LITAF: variants seen among roughly 807,000 people sequenced by gnomAD.
The protein encoded by LITAF is lipopolysaccharide induced TNF factor.
A neutral mutation model predicts 14.5 loss-of-function variants in LITAF; 9 were observed. The observed-to-expected ratio is 0.62, with a 90% confidence interval of 0.37 to 1.08. The LOEUF (loss-of-function observed/expected upper bound fraction) is 1.08. Among genes scored for constraint, LITAF ranks in the 50% least tolerant of loss-of-function variants. The pLI, the probability that LITAF is intolerant of heterozygous loss-of-function variation, is 0.01. For missense variants in LITAF, 206 were observed against 213.4 expected, an observed-to-expected ratio of 0.97 and a Z score of 0.22; for synonymous variants, 98 against 88.2, an observed-to-expected ratio of 1.11 and a Z score of -0.62.
At chr16:11,635,511 C>A (rs900229296) in intron 2 of LITAF, among the ~76,000 whole-genome samples, 1 of 152,178 alleles carries the variant, frequency 6.6e-6, no homozygotes, top group African/African-American at 2.4e-5. Context: ...GCTCCTTTGT[C>A]ACCTCTCGGG....
upstream of LITAF, among the ~76,000 whole-genome samples, chr16:11,591,306 T>C (rs1479111224): frequency 1.7e-5 from 2 of 115,418 alleles, 1 homozygote; most frequent in African/African-American, 8.4e-5. Flanking sequence ...CACCTCAGCC[T>C]CCAGAGTGGC....
Position 11,558,231 on chromosome 16 carries a change from A to G in LITAF, c.-5-1496T>C, listed in dbSNP as rs2064304966. Among the ~76,000 whole-genome samples, 2 of 152,174 alleles carry G rather than the reference A, an allele frequency of 1.3e-5. No individual in the cohort carries two copies. Among genetic ancestry groups the G allele is most frequent in the South Asian group, 4.1e-4 (2 of 4,834 alleles). ...AGCCCTGCCTCTAAACCAAGCCCCA[A>G]AGAGGAGACTTCTCTGGAGGAACCG... is the stretch of plus-strand genomic sequence containing the variant. On this transcript the variant is annotated intron_variant, in intron 1 of 3. Coordinates refer to ENST00000622633, the MANE Select transcript of LITAF (RefSeq NM_001136472.2). This position sits in a 1 kb window ranked among gnomAD's most constrained non-coding sequence, Gnocchi z 4.1.
chr16:11,637,265 G>A (rs748123887), upstream of LITAF, among the ~76,000 whole-genome samples: 34 of 152,180 alleles, frequency 2.2e-4, no homozygotes, highest in Non-Finnish European at 4.6e-4. Context: ...CACAGTAGGT[G>A]GCAGGAACGC....
upstream of LITAF, among the ~76,000 whole-genome samples, chr16:11,637,932 CTA>C (rs1555475640): frequency 1.5e-4 from 6 of 41,052 alleles, no homozygotes; most frequent in African/African-American, 4.2e-4. Context: ...ATATCTATAT[CTA>C]TATCTATATA....
chr16:11,634,408 G>C lies in LITAF; in HGVS notation c.-20-771C>G, dbSNP rs528222579. On this transcript the variant is annotated intron_variant, in intron 2 of 3. Transcript: ENST00000574848. The surrounding 1 kb of genome is among the most constrained non-coding windows in gnomAD (Gnocchi z 4.1). ...AGGTAACAAAAGGCCACCAGGTTAC[G>C]AAGCTAAGGAATGAGAGAAAGCTAA... Among the ~76,000 whole-genome samples, 1 of 152,140 alleles carries C rather than the reference G, an allele frequency of 6.6e-6. No individual in the cohort carries two copies. Among genetic ancestry groups the C allele is most frequent in the Non-Finnish European group, 1.5e-5 (1 of 68,028 alleles).
At chr16:11,584,808 G>A (rs2064784487) in intron 1 of LITAF, among the ~76,000 whole-genome samples, 1 of 152,150 alleles carries the variant, frequency 6.6e-6, no homozygotes, top group African/African-American at 2.4e-5. Flanking sequence ...CACGGCAAGG[G>A]TAGCGCTTTA....
At position 11,586,762 on chromosome 16, in the gene LITAF, CT is replaced by C. The variant is rs1417880913; in HGVS notation, c.-6+123del. The C allele has an allele frequency of 6.6e-6, 1 of 151,908 alleles. No individual in the cohort carries two copies. The highest frequency in any genetic ancestry group is 2.4e-5 in the African/African-American group (1 of 41,356). 9.4% of individuals were successfully genotyped at this position (151,908 alleles called of 1,614,324 possible). The stretch of plus-strand genomic sequence containing the variant: ...ATGCCCGCGACCCGACCCGCGCCCC[CT>C]GGCATCCCAGGAGGCCCCAGCCAAG... On this transcript the variant is annotated intron_variant, in intron 1 of 3. Coordinates refer to ENST00000622633, the MANE Select transcript of LITAF (RefSeq NM_001136472.2). This position sits in a 1 kb window ranked among gnomAD's most constrained non-coding sequence, Gnocchi z 6.5.
rs2141909528 is a variant in LITAF at position 11,632,745 on chromosome 16, G to T, written c.85+788C>A. 6.6e-6 allele frequency among the ~76,000 whole-genome samples: 1 copy of T among 152,344 alleles called. No individual in the cohort carries two copies. Among genetic ancestry groups the T allele is most frequent in the East Asian group, 1.9e-4 (1 of 5,180 alleles). On this transcript the variant is annotated intron_variant, in intron 3 of 3. Transcript: ENST00000574848. The surrounding 1 kb of genome is among the most constrained non-coding windows in gnomAD (Gnocchi z 4.8). ...TGGCTCTGCTGGCTCTGAGCGCAGA[G>T]TCCAGCCCCCATGCACATGACTATG...
chr16:11,604,832 T>C (rs1231405301), intron 3 of LITAF, among the ~76,000 whole-genome samples: 2 of 151,364 alleles, frequency 1.3e-5, no homozygotes, highest in Non-Finnish European at 2.9e-5. Context: ...ACGAGAAAAG[T>C]ATAGACATTT....
chr16:11,556,700 T>C lies in LITAF; in HGVS notation c.31A>G (p.Thr11Ala). 1 of 1,614,196 alleles carries C rather than the reference T, an allele frequency of 6.2e-7. No individual in the cohort carries two copies. Among genetic ancestry groups the C allele is most frequent in the South Asian group, 1.1e-5 (1 of 91,086 alleles). MSVPGPYQAA[T>A]GPSSAPSAPP... The stretch of plus-strand genomic sequence containing the variant: ...GCGGATGGTGCTGAGGAAGGCCCAG[T>C]GGCCGCCTGGTAAGGTCCTGGAACC... The change falls in exon 2 of 4, where the codon ACT becomes GCT. Residue 11 changes from threonine to alanine, a missense_variant. Transcript: ENST00000622633.
chr16:11,631,221 C>A (rs2065116441), intron 3 of LITAF, among the ~76,000 whole-genome samples: 1 of 152,158 alleles, frequency 6.6e-6, no homozygotes, highest in Non-Finnish European at 1.5e-5. Context: ...TCACCACAAA[C>A]TGAGGCGCTT....
At chr16:11,623,913 G>C (rs565385463) in intron 3 of LITAF, among the ~76,000 whole-genome samples, 2 of 152,074 alleles carry the variant, frequency 1.3e-5, no homozygotes, top group Non-Finnish European at 2.9e-5. Flanking sequence ...GTTGCAATGA[G>C]CCAAGATCGT....
chr16:11,604,850 C>A lies in LITAF; in HGVS notation c.85+28683G>T, dbSNP rs78818803. Among the ~76,000 whole-genome samples, 397 of 151,936 alleles carry A rather than the reference C, an allele frequency of 2.6e-3. 3 individuals carry two copies. Among genetic ancestry groups the A allele is most frequent in the African/African-American group, 9.1e-3 (378 of 41,420 alleles). ...AGAAAAGTATAGACATTTCCAGGCC[C>A]CTGAAACGCTGCGTCAAACTGCTTC... On this transcript the variant is annotated intron_variant, in intron 3 of 3. Coordinates refer to the LITAF transcript ENST00000574848.
At chr16:11,561,189 T>A (rs12445297) in intron 1 of LITAF, 46,024 of 152,036 alleles carry the variant, frequency 0.3, 7,547 homozygotes, top group African/African-American at 0.39. Flanking sequence ...TCAAGGAGCA[T>A]GGTTGGTCGT....
intron 1 of LITAF, among the ~76,000 whole-genome samples, chr16:11,580,280 C>T (rs567293849): frequency 8.7e-5 from 13 of 149,842 alleles, no homozygotes; most frequent in Admixed American, 8.0e-4. Context: ...TTTTTTGAGA[C>T]GGAGTCTCAT....
intron 3 of LITAF, among the ~76,000 whole-genome samples, chr16:11,552,833 G>A (rs1004561864): frequency 6.6e-6 from 1 of 152,140 alleles, no homozygotes; most frequent in African/African-American, 2.4e-5. Flanking sequence ...AATGTCTTGG[G>A]CCAGGCATGA....
intron 1 of LITAF, among the ~76,000 whole-genome samples, chr16:11,572,300 G>A (rs1597348088): frequency 6.6e-6 from 1 of 151,080 alleles, no homozygotes; most frequent in African/African-American, 2.4e-5. Context: ...AACCTCAAAC[G>A]CATCAAGCTG....
chr16:11,553,777 T>C lies in LITAF; in HGVS notation c.221-88A>G. The C allele has an allele frequency of 7.1e-7, 1 of 1,413,634 alleles. No individual in the cohort carries two copies. The highest frequency in any genetic ancestry group is 1.2e-5 in the South Asian group (1 of 84,190). The allele number at this position is 1,413,634 out of a possible 1,614,324, so 87.6% of individuals were successfully genotyped here. ...CAGGACAAAGAGAGGAACGCAGGGA[T>C]GCCAGCAAATATTATATTTGTACAT... is the stretch of plus-strand genomic sequence containing the variant. On this transcript the variant is annotated intron_variant, in intron 2 of 3. Coordinates refer to ENST00000622633, the MANE Select transcript of LITAF (RefSeq NM_001136472.2). The surrounding 1 kb of genome is among the most constrained non-coding windows in gnomAD (Gnocchi z 7.7).
At chr16:11,599,767 GC>G (rs2064916054), upstream of LITAF, among the ~76,000 whole-genome samples, 1 of 151,956 alleles carries the variant, frequency 6.6e-6, no homozygotes, top group African/African-American at 2.4e-5. Context: ...AGCCACAGGG[GC>G]CTCCTCCCAG....
Sources: gnomAD v4.1 joint callset for allele counts (sites outside exome capture counted in the v4.1 genomes callset) on GRCh38, gnomAD v4.1.1 for gene constraint, Gnocchi (gnomAD v3.1) non-coding constraint, MANE v1.5 for transcripts, NCBI Gene and HGNC (gene_info 2026-07-23, HGNC 2026-07-21) for gene names.